The following FBXO9 variants were observed in gnomAD, a reference collection of about 807,000 sequenced individuals.
The protein encoded by FBXO9 is F-box protein 9, also known as F-box only protein 9.
FBXO9 carries 43 observed loss-of-function variants against 63.7 expected under a neutral mutation model. The ratio of observed to expected loss-of-function variants is 0.67; its 90% CI spans 0.53 to 0.87. The LOEUF (loss-of-function observed/expected upper bound fraction) is 0.87. FBXO9 is among the 40% of genes least tolerant of loss of function. The probability of loss-of-function intolerance (pLI) is 0.00; values close to 1 mark genes in which losing one functional copy is unlikely to be tolerated. For synonymous variants in FBXO9, 156 were observed against 171.7 expected (o/e 0.91, Z 0.72); for missense variants, 442 against 533.2 (o/e 0.83, Z 1.68).
chr6:53,065,763 T>G lies in FBXO9; in HGVS notation c.-27T>G, dbSNP rs1429091996. 4 of 1,402,302 alleles carry G rather than the reference T, an allele frequency of 2.9e-6. No individual in the cohort carries two copies. Among genetic ancestry groups the G allele is most frequent in the Non-Finnish European group, 3.7e-6 (4 of 1,078,430 alleles). 86.9% of individuals were successfully genotyped at this position (1,402,302 alleles called of 1,614,324 possible). A position where few individuals can be genotyped will look rare whatever the true frequency, so the allele number is the denominator to read the frequency against. ...GTGCAGAGGGGGCACGGAGAGCCCC[T>G]CGAGCGCAGCAGGCCGCCCCGCCAG... On this transcript the variant is annotated 5_prime_UTR_variant, in exon 1 of 13. Coordinates refer to ENST00000323557, the MANE Select transcript of FBXO9 (RefSeq NM_033480.3).
At chr6:53,091,459 C>G (rs1169858735) in intron 7 of FBXO9, 1 of 152,256 alleles carries the variant, frequency 6.6e-6, no homozygotes, top group African/African-American at 2.4e-5. Flanking sequence ...ACCTCCGTCT[C>G]CCAGGTTCAA....
At position 53,100,375 on chromosome 6, in the gene FBXO9, G is replaced by A. The variant is rs1184495725; in HGVS notation, c.*2545G>A. The A allele has an allele frequency of 6.6e-6, 1 of 152,136 alleles. No individual in the cohort carries two copies. Among genetic ancestry groups the A allele is most frequent in the Non-Finnish European group, 1.5e-5 (1 of 68,018 alleles). 9.4% of individuals were successfully genotyped at this position (152,136 alleles called of 1,614,324 possible). A position where few individuals can be genotyped will look rare whatever the true frequency, so the allele number is the denominator to read the frequency against. ...GATTAACTTTTTAAAAACAATGAAA[G>A]CATTTTACAGAAATTACATTTCAGA... On this transcript the variant is annotated 3_prime_UTR_variant, in exon 13 of 13. Transcript: ENST00000323557.
At chr6:53,093,658 G>A in intron 10 of FBXO9, 97 bp downstream of exon 10, 1 of 964,864 alleles carries the variant, frequency 1.0e-6, no homozygotes, top group Middle Eastern at 2.1e-4. Flanking sequence ...CTTAATACTG[G>A]ATGATTTTAA....
chr6:53,096,186 G>A (rs1483360458), intron 12 of FBXO9, among the ~76,000 whole-genome samples: 2 of 152,208 alleles, frequency 1.3e-5, no homozygotes, highest in Non-Finnish European at 2.9e-5. Flanking sequence ...GTTCTATGCA[G>A]TAGCATTTAC....
chr6:53,095,774 A>C (rs1763193831), intron 12 of FBXO9, 110 bp downstream of exon 12: 1 of 1,080,170 alleles, frequency 9.3e-7, no homozygotes, highest in African/African-American at 1.6e-5. Flanking sequence ...ACTACATTAC[A>C]AACTAAAACC....
At position 53,071,138 on chromosome 6, in the gene FBXO9, C is replaced by A. The variant is rs1282626921; in HGVS notation, c.85C>A (p.Leu29Met). 6.4e-7 allele frequency: 1 copy of A among 1,556,702 alleles called. No individual in the cohort carries two copies. The highest frequency in any genetic ancestry group is 8.7e-7 in the Non-Finnish European group (1 of 1,148,566). ...EENESPAETD[L>M]QAQLQMFRAQ... ...AAATGAAAGTCCTGCTGAAACAGAT[C>A]TGCAGGCATGTTTCTTCAATTGTGT... Residue 29 changes from leucine to methionine, a missense_variant, in exon 2 of 13, where the codon CTG becomes ATG. Coordinates refer to ENST00000323557, the MANE Select transcript of FBXO9 (RefSeq NM_033480.3).
chr6:53,086,169 A>G (rs1282854648), intron 7 of FBXO9, among the ~76,000 whole-genome samples: 1 of 152,180 alleles, frequency 6.6e-6, no homozygotes, highest in Non-Finnish European at 1.5e-5. Flanking sequence ...GAAAAAGAAA[A>G]TCTCAAAGTT....
At chr6:53,095,790 T>C in intron 12 of FBXO9, 126 bp downstream of exon 12, 1 of 773,974 alleles carries the variant, frequency 1.3e-6, no homozygotes, top group Non-Finnish European at 1.9e-6. Context: ...AAACCAGTAC[T>C]ACTACAAACT....
intron 1 of FBXO9, chr6:53,066,280 G>T: frequency 3.2e-6 from 1 of 308,632 alleles, no homozygotes; most frequent in Non-Finnish European, 4.7e-6. Context: ...CTGGGTGTAG[G>T]ACGCATCTGC....
At chr6:53,089,088 T>C (rs1581826687) in intron 7 of FBXO9, among the ~76,000 whole-genome samples, 1 of 150,660 alleles carries the variant, frequency 6.6e-6, no homozygotes, top group Non-Finnish European at 1.5e-5. Context: ...TGTTTTTTTT[T>C]TTCCAGGCGG....
At chr6:53,088,906 G>A (rs6929036) in intron 7 of FBXO9, among the ~76,000 whole-genome samples, 1 of 149,844 alleles carries the variant, frequency 6.7e-6, no homozygotes, top group Non-Finnish European at 1.5e-5. Flanking sequence ...GGCCCTAGTG[G>A]TTTTTTTCTT....
rs1055186546 is a variant in FBXO9 at position 53,065,563 on chromosome 6, A to C, written c.-227A>C. ...CCCCGAGTCCCCGGCAGCCGCCGCCACCCCAGCGCGCCCCGATCTGGCCCC... is the reference window on the plus strand; with the variant it reads ...CCCCGAGTCCCCGGCAGCCGCCGCCCCCCCAGCGCGCCCCGATCTGGCCCC... On this transcript the variant is annotated 5_prime_UTR_variant, in exon 1 of 13. Transcript: ENST00000323557. 9 of 437,032 alleles carry C rather than the reference A, an allele frequency of 2.1e-5. No homozygotes were observed. In the East Asian group the frequency reaches 3.3e-4, roughly 16 times the overall value. The allele number at this position is 437,032 out of a possible 1,614,324, so 27.1% of individuals were successfully genotyped here.
Position 53,093,867 on chromosome 6 carries a change from TTG to T in FBXO9, c.960-16_960-15del, listed in dbSNP as rs911084698. ...ACTTAATAACTGATTTAGATTCAATTTGTTTTTTTTTTTTAAGGACTGATGCA... is the reference window on the plus strand; with the variant it reads ...ACTTAATAACTGATTTAGATTCAATTTTTTTTTTTTTTAAGGACTGATGCA... On this transcript the variant is annotated splice_polypyrimidine_tract_variant and intron_variant, in intron 10 of 12. Transcript: ENST00000323557. 3.2e-5 allele frequency: 48 copies of T among 1,508,078 alleles called. No individual in the cohort carries two copies. In the African/African-American group the frequency reaches 5.2e-4, roughly 16 times the overall value. The allele number at this position is 1,508,078 out of a possible 1,614,324, so 93.4% of individuals were successfully genotyped here.
At position 53,095,681 on chromosome 6, in the gene FBXO9, AAAAT is replaced by A; in HGVS notation, c.1205+20_1205+23del. 6.3e-7 allele frequency: 1 copy of A among 1,595,690 alleles called. No homozygotes were observed. Among genetic ancestry groups the A allele is most frequent in the African/African-American group, 1.4e-5 (1 of 74,018 alleles). On this transcript the variant is annotated intron_variant, in intron 12 of 12. Coordinates refer to ENST00000323557, the MANE Select transcript of FBXO9 (RefSeq NM_033480.3). The stretch of plus-strand genomic sequence containing the variant: ...TACTTACAAGTAGGTGAATGCAATA[AAAAT>A]AACAAGGTTACACTATAAATGTATA...
At chr6:53,090,451 A>G (rs1763010309) in intron 7 of FBXO9, among the ~76,000 whole-genome samples, 1 of 152,210 alleles carries the variant, frequency 6.6e-6, no homozygotes, top group Non-Finnish European at 1.5e-5. Context: ...ACAACCAGTT[A>G]CAGATTTCTT....
chr6:53,076,562 GGTTC>G lies in FBXO9; in HGVS notation c.307+20_307+23del. The G allele has an allele frequency of 1.3e-6, 2 of 1,496,980 alleles. No homozygotes were observed. Among genetic ancestry groups the G allele is most frequent in the Non-Finnish European group, 1.8e-6 (2 of 1,129,634 alleles). The allele number at this position is 1,496,980 out of a possible 1,614,324, so 92.7% of individuals were successfully genotyped here. On this transcript the variant is annotated intron_variant, in intron 4 of 12. Coordinates refer to ENST00000323557, the MANE Select transcript of FBXO9 (RefSeq NM_033480.3). ...TATGAAGGTAAAAATTCAGAGCCCAGGTTCATATCATAACATTTCTGAATAATGA... is the reference window on the plus strand; with the variant it reads ...TATGAAGGTAAAAATTCAGAGCCCAGATATCATAACATTTCTGAATAATGA...
chr6:53,085,253 A>G (rs1212613997), intron 7 of FBXO9, among the ~76,000 whole-genome samples: 2 of 152,148 alleles, frequency 1.3e-5, no homozygotes, highest in African/African-American at 4.8e-5. Flanking sequence ...AGTTCAATGA[A>G]CCCATGAATT....
rs1373297578 is a variant in FBXO9 at position 53,100,185 on chromosome 6, A to T, written c.*2355A>T. Reference sequence around the variant, plus strand: ...AATATACAGATAAAATAAAATTTAAAAAAACACCCAAAGATAACCAGAAGA... The same window carrying T: ...AATATACAGATAAAATAAAATTTAATAAAACACCCAAAGATAACCAGAAGA... On this transcript the variant is annotated 3_prime_UTR_variant, in exon 13 of 13. Coordinates refer to ENST00000323557, the MANE Select transcript of FBXO9 (RefSeq NM_033480.3). 1 of 152,222 alleles carries T rather than the reference A, an allele frequency of 6.6e-6. No homozygotes were observed. Among genetic ancestry groups the T allele is most frequent in the Non-Finnish European group, 1.5e-5 (1 of 68,034 alleles). 9.4% of individuals were successfully genotyped at this position (152,222 alleles called of 1,614,324 possible). A position where few individuals can be genotyped will look rare whatever the true frequency, so the allele number is the denominator to read the frequency against.
At chr6:53,072,229 A>AAG (rs1468604529) in intron 2 of FBXO9, among the ~76,000 whole-genome samples, 32 of 152,186 alleles carry the variant, frequency 2.1e-4, no homozygotes, top group Admixed American at 3.9e-4. Context: ...TTAAAAAAAA[A>AAG]AAAGGAAGCC....
Sources: allele counts gnomAD v4.1 joint callset (sites outside exome capture counted in the v4.1 genomes callset), GRCh38; gene constraint gnomAD v4.1.1; transcripts MANE v1.5; gene names NCBI Gene and HGNC (gene_info 2026-07-23, HGNC 2026-07-21).